NTN1: variants seen among roughly 807,000 people sequenced by gnomAD.
The protein encoded by NTN1 is netrin 1.
In NTN1, 11 loss-of-function variants were observed where a neutral mutation model predicts 54.2. The observed-to-expected ratio is 0.20, with a 90% confidence interval of 0.13 to 0.34. NTN1 has a LOEUF of 0.34. Among genes scored for constraint, NTN1 ranks in the 10% least tolerant of loss-of-function variants. NTN1 has a pLI of 1.00. For synonymous variants in NTN1, 371 were observed against 382.0 expected (o/e 0.97, Z 0.33); for missense variants, 740 against 893.1 (o/e 0.83, Z 2.18).
intron 2 of NTN1, among the ~76,000 whole-genome samples, chr17:9,141,296 G>T (rs142080286): frequency 3.6e-4 from 54 of 151,980 alleles, no homozygotes; most frequent in Non-Finnish European, 4.4e-4. Flanking sequence ...CTTTAATGAG[G>T]GGGGGGAGAA....
intron 5 of NTN1, among the ~76,000 whole-genome samples, chr17:9,203,848 G>A (rs1048048925): frequency 2.0e-5 from 3 of 151,978 alleles, no homozygotes; most frequent in Admixed American, 6.6e-5. Flanking sequence ...AAGAACTGAG[G>A]ACCAGAGAGT....
chr17:9,202,995 C>T (rs1904848534), intron 5 of NTN1, among the ~76,000 whole-genome samples: 1 of 152,192 alleles, frequency 6.6e-6, no homozygotes, highest in Non-Finnish European at 1.5e-5. Context: ...GATCTCCGCT[C>T]ACTGCAAGCT....
At chr17:9,081,011 G>A (rs2092068779) in intron 2 of NTN1, among the ~76,000 whole-genome samples, 1 of 152,168 alleles carries the variant, frequency 6.6e-6, no homozygotes, top group Non-Finnish European at 1.5e-5. Context: ...ACCTGAGGAG[G>A]GGCTCTAGGG....
At chr17:9,086,542 A>G (rs932329210) in intron 2 of NTN1, among the ~76,000 whole-genome samples, 43 of 152,142 alleles carry the variant, frequency 2.8e-4, no homozygotes, top group African/African-American at 9.4e-4. Context: ...AACGGGTGCT[A>G]TGGAAGCAGG....
chr17:9,242,000 G>C lies in NTN1; in HGVS notation c.*2032G>C, dbSNP rs1414702860. On this transcript the variant is annotated 3_prime_UTR_variant, in exon 7 of 7. Coordinates refer to ENST00000173229, the MANE Select transcript of NTN1 (RefSeq NM_004822.3). ...TGCCTCTTGAGGACACTGGCATCTG[G>C]GCTGGAGAACAGGAGCCCGGGGTGG... 6.6e-6 allele frequency: 1 copy of C among 152,430 alleles called. No individual in the cohort carries two copies. Among genetic ancestry groups the C allele is most frequent in the Non-Finnish European group, 1.5e-5 (1 of 68,216 alleles). The allele number at this position is 152,430 out of a possible 1,614,324, so 9.4% of individuals were successfully genotyped here. A position where few individuals can be genotyped will look rare whatever the true frequency, so the allele number is the denominator to read the frequency against.
upstream of NTN1, among the ~76,000 whole-genome samples, chr17:9,018,227 C>G (rs988983398): frequency 6.6e-6 from 1 of 152,120 alleles, no homozygotes; most frequent in Non-Finnish European, 1.5e-5. Flanking sequence ...AAGGTGACCC[C>G]GCTCATCCTC....
chr17:9,232,765 T>C (rs914579681), intron 6 of NTN1, among the ~76,000 whole-genome samples: 10 of 151,964 alleles, frequency 6.6e-5, no homozygotes, highest in African/African-American at 2.4e-4. Flanking sequence ...GGCGGCCCCC[T>C]CTCCCACACT....
At chr17:9,162,731 G>A in intron 2 of NTN1, 82 bp from the exon 3 acceptor site, 1 of 1,308,650 alleles carries the variant, frequency 7.6e-7, no homozygotes, top group Non-Finnish European at 1.1e-6. Flanking sequence ...GGAGTTGAGG[G>A]GTGGGGTTTC....
chr17:9,089,451 A>G (rs1003007090), intron 2 of NTN1, among the ~76,000 whole-genome samples: 1 of 151,914 alleles, frequency 6.6e-6, no homozygotes, highest in Non-Finnish European at 1.5e-5. Flanking sequence ...TGTTTTGGCT[A>G]TTCTCCAATT....
intron 6 of NTN1, among the ~76,000 whole-genome samples, chr17:9,230,439 C>T (rs960396275): frequency 1.6e-5 from 1 of 63,178 alleles, no homozygotes; most frequent in African/African-American, 7.7e-5. Context: ...ATTTCCCCCA[C>T]CAGATGTGAC....
chr17:9,056,148 C>T (rs1202785805), intron 2 of NTN1, among the ~76,000 whole-genome samples: 1 of 152,180 alleles, frequency 6.6e-6, no homozygotes, highest in Admixed American at 6.5e-5. Flanking sequence ...CCTCCGCCTC[C>T]CGGGTTCAAG....
chr17:9,221,133 G>C lies in NTN1; in HGVS notation c.1412-35G>C. 6.8e-7 allele frequency: 1 copy of C among 1,462,450 alleles called. No homozygotes were observed. Among genetic ancestry groups the C allele is most frequent in the Non-Finnish European group, 9.6e-7 (1 of 1,046,914 alleles). The allele number at this position is 1,462,450 out of a possible 1,614,324, so 90.6% of individuals were successfully genotyped here. ...AGCCTATTCATCGCCAGCCTAATTA[G>C]TTTTTGTCTGTGCTCCCCCCCCACC... is the stretch of plus-strand genomic sequence containing the variant. On this transcript the variant is annotated intron_variant, in intron 5 of 6. Transcript: ENST00000173229. The surrounding 1 kb of genome is among the most constrained non-coding windows in gnomAD (Gnocchi z 4.5).
intron 5 of NTN1, among the ~76,000 whole-genome samples, chr17:9,202,797 T>G (rs1264769358): frequency 6.6e-6 from 1 of 152,276 alleles, no homozygotes; most frequent in Non-Finnish European, 1.5e-5. Context: ...GGAATCGTGC[T>G]GTCTGAACAG....
intron 2 of NTN1, among the ~76,000 whole-genome samples, chr17:9,039,707 G>C (rs995348873): frequency 6.6e-6 from 1 of 152,050 alleles, no homozygotes; most frequent in Non-Finnish European, 1.5e-5. Flanking sequence ...ATATCTGTTT[G>C]CCTTTTCTAG....
chr17:9,184,950 G>A (rs890326084), intron 5 of NTN1, among the ~76,000 whole-genome samples: 3 of 152,234 alleles, frequency 2.0e-5, no homozygotes, highest in Admixed American at 6.5e-5. Context: ...TTAACTTTTC[G>A]GACTGCTTTT....
chr17:9,161,937 T>G lies in NTN1; in HGVS notation c.1019-876T>G, dbSNP rs559887547. ...TGGGTTCAAGTGGAGACCCCAGACCTGAAGCTGGAAATACTGATTTGGGAG... is the reference window on the plus strand; with the variant it reads ...TGGGTTCAAGTGGAGACCCCAGACCGGAAGCTGGAAATACTGATTTGGGAG... On this transcript the variant is annotated intron_variant, in intron 2 of 6. Transcript: ENST00000173229. Among the ~76,000 whole-genome samples the G allele has an allele frequency of 1.5e-4, 17 of 110,406 alleles. 1 individual carries two copies. In the South Asian group the frequency reaches 3.8e-3, roughly 25 times the overall value. The allele number at this position is 110,406 out of a possible 152,430, so 72.4% of individuals were successfully genotyped here.
At position 9,239,696 on chromosome 17, in the gene NTN1, G is replaced by A; in HGVS notation, c.1543G>A (p.Val515Met). The change falls in exon 7 of 7, where the codon GTG becomes ATG. Residue 515 changes from valine (V) to methionine (M), a missense_variant. By Grantham distance (21) the Val-to-Met change is conservative. Transcript: ENST00000173229. The surrounding 1 kb of genome is among the most constrained non-coding windows in gnomAD (Gnocchi z 5.2). ...GGCGGGGGACTGGTGGAAGTTCACG[G>A]TGAACATCATCTCCGTGTATAAGCA... ...DKAGDWWKFT[V>M]NIISVYKQGT... 6.2e-7 allele frequency: 1 copy of A among 1,613,376 alleles called. No homozygotes were observed. Among genetic ancestry groups the A allele is most frequent in the South Asian group, 1.1e-5 (1 of 91,078 alleles).
chr17:9,077,319 C>T (rs1183427137), intron 2 of NTN1, among the ~76,000 whole-genome samples: 1 of 152,104 alleles, frequency 6.6e-6, no homozygotes, highest in East Asian at 1.9e-4. Flanking sequence ...AGGAACGGCC[C>T]CAGGAGAACA....
intron 2 of NTN1, among the ~76,000 whole-genome samples, chr17:9,025,924 A>C (rs2091869108): frequency 6.6e-6 from 1 of 152,196 alleles, no homozygotes; most frequent in South Asian, 2.1e-4. Context: ...TTTCCTCCCA[A>C]CATAATCTCT....
Sources: gnomAD v4.1 joint callset for allele counts (sites outside exome capture counted in the v4.1 genomes callset) on GRCh38, gnomAD v4.1.1 for gene constraint, Gnocchi (gnomAD v3.1) non-coding constraint, MANE v1.5 for transcripts, NCBI Gene and HGNC (gene_info 2026-07-23, HGNC 2026-07-21) for gene names.